The following LRGUK variants were observed in gnomAD, a reference collection of about 807,000 sequenced individuals.
The protein encoded by LRGUK is leucine-rich repeat and guanylate kinase domain-containing protein.
A neutral mutation model predicts 76.0 loss-of-function variants in LRGUK; 65 were observed. The ratio of observed to expected loss-of-function variants is 0.85; its 90% CI spans 0.70 to 1.05. The LOEUF (loss-of-function observed/expected upper bound fraction) is 1.05. LRGUK is among the 50% of genes least tolerant of loss of function. LRGUK has a pLI of 0.00. For synonymous variants in LRGUK, 268 were observed against 265.6 expected, an observed-to-expected ratio of 1.01 and a Z score of -0.09; for missense variants, 758 against 732.8, an observed-to-expected ratio of 1.03 and a Z score of -0.40.
At position 134,134,540 on chromosome 7, in the gene LRGUK, C is replaced by T. The variant is rs77467348; in HGVS notation, c.298-2483C>T. Reference sequence around the variant, plus strand: ...GGTTATTGTGCAGAGTGCTGCCTTCCCCAAGGAAAAATGGGGACAGCGTGG... The same window carrying T: ...GGTTATTGTGCAGAGTGCTGCCTTCTCCAAGGAAAAATGGGGACAGCGTGG... On this transcript the variant is annotated intron_variant, in intron 1 of 15. Transcript: ENST00000645682. Among the ~76,000 whole-genome samples the T allele has an allele frequency of 3.8e-4, 58 of 152,154 alleles. 1 individual carries two copies. In the East Asian group the frequency reaches 8.3e-3, roughly 22 times the overall value.
intron 4 of LRGUK, among the ~76,000 whole-genome samples, chr7:134,147,952 C>G (rs1375366931): frequency 1.3e-5 from 2 of 151,146 alleles, no homozygotes; most frequent in Non-Finnish European, 2.9e-5. Flanking sequence ...ATCCCAGCTA[C>G]TGGGGAGGCT....
At chr7:134,129,822 C>G (rs1797222782) in intron 1 of LRGUK, among the ~76,000 whole-genome samples, 1 of 152,072 alleles carries the variant, frequency 6.6e-6, no homozygotes, top group Non-Finnish European at 1.5e-5. Context: ...CTGGTTTCCC[C>G]TCTTTACATC....
At chr7:134,135,899 G>A (rs1219684804) in intron 1 of LRGUK, among the ~76,000 whole-genome samples, 8 of 152,130 alleles carry the variant, frequency 5.3e-5, no homozygotes, top group South Asian at 2.1e-4. Context: ...CTTGCGAACC[G>A]CCCACCTTGG....
At chr7:134,174,225 C>T (rs1186043222) in intron 7 of LRGUK, among the ~76,000 whole-genome samples, 2 of 151,882 alleles carry the variant, frequency 1.3e-5, no homozygotes, top group Non-Finnish European at 2.9e-5. Context: ...GTAACCAGGT[C>T]ATCCTTGGGT....
At chr7:134,262,907 G>T (rs1053998422) in intron 19 of LRGUK, among the ~76,000 whole-genome samples, 8 of 148,834 alleles carry the variant, frequency 5.4e-5, no homozygotes, top group Non-Finnish European at 1.2e-4. Flanking sequence ...GGAGGTGGAG[G>T]TTGCAGTGAG....
chr7:134,254,163 A>G (rs1340737642), intron 18 of LRGUK, among the ~76,000 whole-genome samples: 1 of 152,216 alleles, frequency 6.6e-6, no homozygotes, highest in African/African-American at 2.4e-5. Context: ...TTGTTGAATT[A>G]GCAAAACTGA....
intron 1 of LRGUK, among the ~76,000 whole-genome samples, chr7:134,131,294 A>T (rs552512910): frequency 6.6e-6 from 1 of 152,390 alleles, no homozygotes; most frequent in East Asian, 1.9e-4. Context: ...TATAGCTGCA[A>T]TAAATAATAA....
At chr7:134,171,938 G>A (rs1180864697) in intron 7 of LRGUK, among the ~76,000 whole-genome samples, 1 of 152,112 alleles carries the variant, frequency 6.6e-6, no homozygotes, top group Non-Finnish European at 1.5e-5. Context: ...TTCAGTAGAT[G>A]TGGGGAGGTG....
rs146773478 is a variant in LRGUK, at chr7:134,252,339, TAATTAAATTA to T, written c.2198+3296_2198+3305del. Among the ~76,000 whole-genome samples the T allele has an allele frequency of 4.2e-3, 614 of 145,778 alleles. 2 individuals carry two copies. The highest frequency in any genetic ancestry group is 0.01 in the Middle Eastern group (3 of 292). On this transcript the variant is annotated intron_variant, in intron 18 of 19. Coordinates refer to the LRGUK transcript ENST00000285928. ...AGTGACAGACCCTGTCTCAAATAGA[TAATTAAATTA>T]AATTAAATTAAATTAAATTAAATTA... is the stretch of plus-strand genomic sequence containing the variant.
At chr7:134,234,543 G>A (rs1001797587) in intron 16 of LRGUK, among the ~76,000 whole-genome samples, 1 of 152,094 alleles carries the variant, frequency 6.6e-6, no homozygotes, top group Non-Finnish European at 1.5e-5. Context: ...CTATCTTACT[G>A]TATCTCTAGT....
intron 19 of LRGUK, 69 bp from the exon 20 acceptor site, chr7:134,263,776 T>C (rs1262324969): frequency 1.3e-5 from 19 of 1,443,234 alleles, no homozygotes; most frequent in Non-Finnish European, 1.6e-5. Context: ...GCTTATATCA[T>C]GCAACACTTA....
At chr7:134,249,457 G>T (rs1375593812) in intron 18 of LRGUK, among the ~76,000 whole-genome samples, 1 of 152,086 alleles carries the variant, frequency 6.6e-6, no homozygotes, top group Admixed American at 6.6e-5. Context: ...CTGTGTTCTT[G>T]GTTCCTAGCT....
At chr7:134,186,067 T>A (rs1204918714) in intron 11 of LRGUK, among the ~76,000 whole-genome samples, 2 of 152,214 alleles carry the variant, frequency 1.3e-5, no homozygotes, top group Non-Finnish European at 2.9e-5. Flanking sequence ...AATTTGGAAC[T>A]TTTTAGCAAA....
intron 4 of LRGUK, among the ~76,000 whole-genome samples, chr7:134,147,351 C>T (rs1191168587): frequency 2.0e-5 from 3 of 151,012 alleles, no homozygotes; most frequent in Non-Finnish European, 2.9e-5. Flanking sequence ...AGGAGAATTG[C>T]TTGAACCTGT....
chr7:134,147,012 G>A (rs926394511), intron 4 of LRGUK, among the ~76,000 whole-genome samples: 5 of 152,032 alleles, frequency 3.3e-5, no homozygotes, highest in Non-Finnish European at 5.9e-5. Flanking sequence ...TTGTTTTTTA[G>A]TCTTACATGT....
At chr7:134,229,998 A>C (rs909432170) in intron 16 of LRGUK, among the ~76,000 whole-genome samples, 1 of 152,190 alleles carries the variant, frequency 6.6e-6, no homozygotes. Flanking sequence ...AATGTAACAC[A>C]AAAAGCATTC....
At chr7:134,178,725 C>G (rs1799596387) in intron 10 of LRGUK, 116 bp downstream of exon 10, 1 of 638,680 alleles carries the variant, frequency 1.6e-6, no homozygotes, top group Non-Finnish European at 2.6e-6. Context: ...GCTGCTTTTT[C>G]CCTTTCTCTG....
At chr7:134,242,903 G>A (rs547673912) in intron 16 of LRGUK, among the ~76,000 whole-genome samples, 18 of 152,156 alleles carry the variant, frequency 1.2e-4, no homozygotes, top group South Asian at 4.1e-4. Flanking sequence ...TTCAACATAC[G>A]CAAATCAATA....
Position 134,178,500 on chromosome 7 carries a change from A to G in LRGUK, c.1108-3A>G, listed in dbSNP as rs755961322. 5.0e-6 allele frequency: 8 copies of G among 1,598,966 alleles called. No homozygotes were observed. The highest frequency in any genetic ancestry group is 1.8e-5 in the Admixed American group (1 of 56,118). ...CCCTTTTACATCTCTAATTCTGGAA[A>G]AGGTTTCAGCAGTGAATAAATATGA... On this transcript the variant is annotated splice_polypyrimidine_tract_variant and splice_region_variant and intron_variant, in intron 9 of 15. Coordinates refer to ENST00000645682, the Ensembl canonical transcript of LRGUK.
Sources: gnomAD v4.1 joint callset for allele counts (sites outside exome capture counted in the v4.1 genomes callset) on GRCh38, gnomAD v4.1.1 for gene constraint, MANE v1.5 for transcripts, NCBI Gene and HGNC (gene_info 2026-07-23, HGNC 2026-07-21) for gene names.